CHM: variants seen among roughly 807,000 people sequenced by gnomAD.
CHM encodes rab proteins geranylgeranyltransferase component A 1.
Under a neutral mutation model 49.0 loss-of-function variants are expected in CHM, and 10 were observed. That is an observed-to-expected ratio of 0.20 (90% CI 0.13 to 0.35). The LOEUF (loss-of-function observed/expected upper bound fraction) is 0.35. Ranked by LOEUF, CHM falls within the 10% of genes least tolerant of loss-of-function variation. The pLI, the probability that CHM is intolerant of heterozygous loss-of-function variation, is 1.00. For missense variants in CHM, 455 were observed against 478.4 expected (o/e 0.95, Z 0.46); for synonymous variants, 184 against 167.5 (o/e 1.10, Z -0.76).
intron 5 of CHM, 131 bp from the exon 6 acceptor site, chrX:85,959,108 A>C (rs1404386056): frequency 2.4e-6 from 2 of 826,199 alleles, no homozygotes; most frequent in African/African-American, 4.2e-5. Flanking sequence ...ATTATAATAC[A>C]TAACACAATC....
At chrX:86,027,056 G>C (rs1333985954) in intron 2 of CHM, 1 of 116,237 alleles carries the variant, frequency 8.6e-6, no homozygotes, top group Non-Finnish European at 1.8e-5. Context: ...TTTAAATTTT[G>C]ATGAAGTTTA....
chrX:85,927,132 A>C (rs2148189677), intron 8 of CHM, among the ~76,000 whole-genome samples: 1 of 112,530 alleles, frequency 8.9e-6, no homozygotes, highest in African/African-American at 3.2e-5. Flanking sequence ...TTACAAAAAA[A>C]GAAAATGTCA....
chrX:86,016,867 A>C (rs1380165220), intron 2 of CHM, among the ~76,000 whole-genome samples: 1 of 111,737 alleles, frequency 8.9e-6, no homozygotes, highest in Non-Finnish European at 1.9e-5. Context: ...AGCTGCAGAC[A>C]CTCAACACCA....
chrX:85,957,408 G>A (rs1436059869), intron 7 of CHM, among the ~76,000 whole-genome samples: 1 of 109,437 alleles, frequency 9.1e-6, no homozygotes, highest in African/African-American at 3.3e-5. Context: ...TTTTTCAAAC[G>A]AAATAGTTCA....
intron 12 of CHM, among the ~76,000 whole-genome samples, chrX:85,887,034 A>C (rs934667548): frequency 1.9e-5 from 2 of 107,496 alleles, no homozygotes; most frequent in Admixed American, 2.1e-4. Flanking sequence ...AGTATAAATA[A>C]TAAATTGAAA....
At chrX:85,906,657 CTTT>C (rs759331523) in intron 9 of CHM, among the ~76,000 whole-genome samples, 1 of 111,838 alleles carries the variant, frequency 8.9e-6, no homozygotes, top group African/African-American at 3.2e-5. Flanking sequence ...TCATTCACTT[CTTT>C]ATCCCCATAA....
chrX:85,893,130 G>T (rs954261961), intron 12 of CHM, among the ~76,000 whole-genome samples: 22 of 111,314 alleles, frequency 2.0e-4, no homozygotes, highest in African/African-American at 6.9e-4. Flanking sequence ...GTTGTACTTG[G>T]TTAATAAATA....
Position 86,027,603 on chromosome X carries a change from T to C in CHM, c.50-46A>G, listed in dbSNP as rs1270497335. 7.5e-6 allele frequency: 8 copies of C among 1,072,891 alleles called. No individual in the cohort carries two copies. In the Admixed American group the frequency reaches 1.8e-4, roughly 24 times the overall value. The allele number at this position is 1,072,891 out of a possible 1,213,427, so 88.4% of individuals were successfully genotyped here. ...ATCATTTAGAATGTAGAAATATATATATTTTACATAAAATGTTCAATACAT... is the reference window on the plus strand; with the variant it reads ...ATCATTTAGAATGTAGAAATATATACATTTTACATAAAATGTTCAATACAT... On this transcript the variant is annotated intron_variant, in intron 1 of 14. Transcript: ENST00000357749.
intron 8 of CHM, among the ~76,000 whole-genome samples, chrX:85,913,803 G>A (rs1005154791): frequency 9.1e-6 from 1 of 110,303 alleles, no homozygotes; most frequent in Admixed American, 9.7e-5. Context: ...AAGGAGAAGA[G>A]CCAAGATGGC....
At position 85,862,466 on chromosome X, in the gene CHM, T is replaced by C. The variant is rs1923408608; in HGVS notation, c.*2164A>G. ...GCAAGGCCAATATCCGGTACATTAA[T>C]AAGTATGTATTAGACATTGAGTGCA... is the stretch of plus-strand genomic sequence containing the variant. On this transcript the variant is annotated 3_prime_UTR_variant, in exon 15 of 15. Transcript: ENST00000357749. 8.9e-6 allele frequency: 1 copy of C among 112,526 alleles called. No homozygotes were observed. The highest frequency in any genetic ancestry group is 1.9e-5 in the Non-Finnish European group (1 of 53,260). The allele number at this position is 112,526 out of a possible 1,213,427, so 9.3% of individuals were successfully genotyped here. A position where few individuals can be genotyped will look rare whatever the true frequency, so the allele number is the denominator to read the frequency against.
chrX:86,035,954 C>T (rs183173758), intron 1 of CHM, among the ~76,000 whole-genome samples: 218 of 108,968 alleles, frequency 2.0e-3, no homozygotes, highest in Non-Finnish European at 2.6e-3. Context: ...CCACCATGCC[C>T]GGCTAATTTT....
At chrX:86,015,026 TAGA>T (rs1933231136) in intron 2 of CHM, among the ~76,000 whole-genome samples, 2 of 110,138 alleles carry the variant, frequency 1.8e-5, no homozygotes, top group African/African-American at 6.6e-5. Flanking sequence ...TTGATTAGCT[TAGA>T]AGTTCAGTTT....
intron 2 of CHM, among the ~76,000 whole-genome samples, chrX:86,004,120 A>G (rs141376675): frequency 0.26 from 29,353 of 111,101 alleles, 3,429 homozygotes; most frequent in Admixed American, 0.39. Flanking sequence ...ACATTCTTAA[A>G]CGAAAGAATT....
intron 12 of CHM, among the ~76,000 whole-genome samples, chrX:85,879,602 T>C (rs1211722643): frequency 8.9e-6 from 1 of 111,863 alleles, no homozygotes; most frequent in Non-Finnish European, 1.9e-5. Flanking sequence ...TACAGAGTTA[T>C]GGGGCCTGAA....
At chrX:85,972,698 C>T (rs955371889) in intron 4 of CHM, among the ~76,000 whole-genome samples, 83 of 112,531 alleles carry the variant, frequency 7.4e-4, no homozygotes, top group Non-Finnish European at 1.3e-3. Context: ...CCAGCTGGCC[C>T]GCAAGCGCCA....
At chrX:85,971,556 G>A (rs765178945) in intron 4 of CHM, 1 of 290,440 alleles carries the variant, frequency 3.4e-6, no homozygotes, top group Non-Finnish European at 6.7e-6. Flanking sequence ...TCTTCGCGGT[G>A]AGTGTTACAG....
chrX:85,917,831 G>A (rs1346580925), intron 8 of CHM, among the ~76,000 whole-genome samples: 1 of 109,939 alleles, frequency 9.1e-6, no homozygotes, highest in East Asian at 2.8e-4. Context: ...AGAATTTGAG[G>A]AGTGATGCTT....
chrX:85,914,835 C>T (rs1359498287), intron 8 of CHM, among the ~76,000 whole-genome samples: 1 of 110,783 alleles, frequency 9.0e-6, no homozygotes, highest in Admixed American at 9.7e-5. Context: ...AATGGGAACA[C>T]CTCACCTTCT....
Position 85,901,149 on chromosome X carries a change from G to A in CHM, c.1284C>T (p.Ile428=), listed in dbSNP as rs770054099. ...TGTCCTCCACGAGGAAATGCTCAGAGATTATTCTCTGACCAAACTGATCTA... is the reference window on the plus strand; with the variant it reads ...TGTCCTCCACGAGGAAATGCTCAGAAATTATTCTCTGACCAAACTGATCTA... ...AIIDQFGQRI[I]SEHFLVEDSY... Residue 428 remains isoleucine (I), a synonymous_variant, in exon 10 of 15, where the codon ATC becomes ATT. Coordinates refer to ENST00000357749, the MANE Select transcript of CHM (RefSeq NM_000390.4). 1.7e-6 allele frequency: 2 copies of A among 1,200,698 alleles called. No homozygotes were observed. The highest frequency in any genetic ancestry group is 3.6e-5 in the South Asian group (2 of 55,116).
Sources: gnomAD v4.1 joint callset for allele counts (sites outside exome capture counted in the v4.1 genomes callset) on GRCh38, gnomAD v4.1.1 for gene constraint, MANE v1.5 for transcripts, NCBI Gene and HGNC (gene_info 2026-07-23, HGNC 2026-07-21) for gene names.